Variants in LRRC75A observed in about 807,000 individuals in gnomAD.
LRRC75A encodes leucine rich repeat containing 75A, also known as leucine-rich repeat-containing protein 75A.
A neutral mutation model predicts 26.0 loss-of-function variants in LRRC75A; 12 were observed. The ratio of observed to expected loss-of-function variants is 0.46; its 90% confidence interval spans 0.30 to 0.75. The LOEUF (loss-of-function observed/expected upper bound fraction) is 0.75, where lower values mean the gene tolerates loss of function less well. Ranked by LOEUF, LRRC75A falls within the 30% of genes least tolerant of loss-of-function variation. The pLI is 0.08. For synonymous variants in LRRC75A, 223 were observed against 219.3 expected, an observed-to-expected ratio of 1.02 and a Z score of -0.15; for missense variants, 410 against 486.6, an observed-to-expected ratio of 0.84 and a Z score of 1.48.
At chr17:16,446,874 C>G (rs1326255802) in intron 3 of LRRC75A, 1 of 385,138 alleles carries the variant, frequency 2.6e-6, no homozygotes, top group Non-Finnish European at 5.2e-6. Flanking sequence ...ACCATCACAG[C>G]CTTACACTGT....
intron 2 of LRRC75A, among the ~76,000 whole-genome samples, chr17:16,451,530 G>GA (rs1228182875): frequency 6.6e-6 from 1 of 151,446 alleles, no homozygotes; most frequent in Non-Finnish European, 1.5e-5. Context: ...GCTGAGGCAG[G>GA]AGAATTGTTT....
rs1476894845 is a variant in LRRC75A at position 16,491,849 on chromosome 17, TC to T, written c.141del (p.Met48CysfsTer44). 1 of 1,395,120 alleles carries T rather than the reference TC, an allele frequency of 7.2e-7. No individual in the cohort carries two copies. The highest frequency in any genetic ancestry group is 3.2e-5 in the East Asian group (1 of 30,852). 86.4% of individuals were successfully genotyped at this position (1,395,120 alleles called of 1,614,324 possible). A position where few individuals can be genotyped will look rare whatever the true frequency, so the allele number is the denominator to read the frequency against. On this transcript the variant is annotated frameshift_variant, in exon 1 of 4. Transcript: ENST00000470794. LOFTEE classifies it high-confidence loss of function. This position sits in a 1 kb window ranked among gnomAD's most constrained non-coding sequence, Gnocchi z 5.9. ...AGDKAGRAGA[G>X]MPPYHRRVGM... ...CCGACTCGCCGGTGGTAGGGGGGCA[TC>T]CCCGCGCCCGCGCGCCCCGCCTTGT...
rs756499671 is a variant in LRRC75A at position 16,491,815 on chromosome 17, T to C, written c.176A>G (p.Gln59Arg). 1.4e-6 allele frequency: 2 copies of C among 1,415,094 alleles called. No homozygotes were observed. Among genetic ancestry groups the C allele is most frequent in the Non-Finnish European group, 1.8e-6 (2 of 1,082,512 alleles). 87.7% of individuals were successfully genotyped at this position (1,415,094 alleles called of 1,614,324 possible). A position where few individuals can be genotyped will look rare whatever the true frequency, so the allele number is the denominator to read the frequency against. The change falls in exon 1 of 4, where the codon CAG becomes CGG. Residue 59 changes from glutamine (Q) to arginine (R), a missense_variant. By Grantham distance (43) the Gln-to-Arg change is conservative (BLOSUM62 1). Transcript: ENST00000470794. The surrounding 1 kb of genome is among the most constrained non-coding windows in gnomAD (Gnocchi z 5.9). ...CTGGCGCACCATCCGCAGCAGCTCC[T>C]GGACCATGCCGACTCGCCGGTGGTA... ...PPYHRRVGMV[Q>R]ELLRMVRQGR...
intron 1 of LRRC75A, among the ~76,000 whole-genome samples, chr17:16,490,372 A>G (rs2093854834): frequency 1.3e-5 from 2 of 152,346 alleles, no homozygotes; most frequent in South Asian, 4.1e-4. Context: ...AAAGACAAAG[A>G]AATACACACT....
chr17:16,456,469 GAGAA>G (rs1461519342), intron 2 of LRRC75A, among the ~76,000 whole-genome samples: 4 of 130,894 alleles, frequency 3.1e-5, no homozygotes, highest in African/African-American at 1.1e-4. Flanking sequence ...AGAGGAGAAG[GAGAA>G]AGAAGAGGAG....
At chr17:16,490,068 G>C (rs1411706561) in intron 1 of LRRC75A, among the ~76,000 whole-genome samples, 1 of 152,166 alleles carries the variant, frequency 6.6e-6, no homozygotes, top group African/African-American at 2.4e-5. Flanking sequence ...TACAGGGACT[G>C]GGGAGCCCAA....
chr17:16,468,346 C>G (rs1471212918), intron 1 of LRRC75A, among the ~76,000 whole-genome samples: 1 of 152,230 alleles, frequency 6.6e-6, no homozygotes, highest in Non-Finnish European at 1.5e-5. Context: ...GGAGTGTGGT[C>G]TAGCCACGCA....
intron 2 of LRRC75A, among the ~76,000 whole-genome samples, chr17:16,455,116 A>G (rs55804022): frequency 0.012 from 1,777 of 151,646 alleles, 34 homozygotes; most frequent in African/African-American, 0.041. Context: ...TATTTTTAGT[A>G]GAGACAGGGT....
rs112837764 is a variant in LRRC75A at position 16,475,797 on chromosome 17, A to G, written c.247-13411T>C. ...CACGGTGATTCACGACTATAATCCC[A>G]GCACTTTGGGAGGCTGAGGTGGGCG... On this transcript the variant is annotated intron_variant, in intron 1 of 3. Transcript: ENST00000470794. 3.8e-3 allele frequency among the ~76,000 whole-genome samples: 584 copies of G among 152,322 alleles called. 1 individual carries two copies. The highest frequency in any genetic ancestry group is 0.013 in the African/African-American group (556 of 41,564).
chr17:16,455,623 C>T (rs1339002698), intron 2 of LRRC75A, among the ~76,000 whole-genome samples: 1 of 152,134 alleles, frequency 6.6e-6, no homozygotes, highest in East Asian at 1.9e-4. Flanking sequence ...CTCAAGTGGT[C>T]CACCTGCCTC....
At position 16,449,682 on chromosome 17, in the gene LRRC75A, T is replaced by A. The variant is rs527335215; in HGVS notation, c.376-1722A>T. Reference sequence around the variant, plus strand: ...CCCAGGCTGGAGTGCAATGGCACGATCTCGGCTCACTGCAACCTCCGCCAC... The same window carrying A: ...CCCAGGCTGGAGTGCAATGGCACGAACTCGGCTCACTGCAACCTCCGCCAC... On this transcript the variant is annotated intron_variant, in intron 2 of 3. Transcript: ENST00000470794. 2.6e-5 allele frequency among the ~76,000 whole-genome samples: 4 copies of A among 152,322 alleles called. No individual in the cohort carries two copies. The South Asian group carries it at 6.2e-4, about 24-fold the overall frequency.
chr17:16,484,188 TA>T (rs1278980088), intron 1 of LRRC75A, among the ~76,000 whole-genome samples: 1 of 151,854 alleles, frequency 6.6e-6, no homozygotes, highest in Non-Finnish European at 1.5e-5. Flanking sequence ...ATACAAAAAT[TA>T]GCCAGGCATG....
chr17:16,479,289 C>T (rs1215859440), intron 1 of LRRC75A, among the ~76,000 whole-genome samples: 1 of 152,200 alleles, frequency 6.6e-6, no homozygotes, highest in African/African-American at 2.4e-5. Context: ...GGGCAAGTAC[C>T]CGCCTGAGAG....
chr17:16,485,552 C>A (rs1035091283), intron 1 of LRRC75A, among the ~76,000 whole-genome samples: 1 of 151,892 alleles, frequency 6.6e-6, no homozygotes. Context: ...ATAAGCCACC[C>A]AGTTTATGGT....
At chr17:16,461,697 G>A (rs144527661) in intron 2 of LRRC75A, among the ~76,000 whole-genome samples, 3 of 152,344 alleles carry the variant, frequency 2.0e-5, no homozygotes, top group Admixed American at 6.5e-5. Context: ...GAGGCAAAGC[G>A]GACAGCCCCA....
intron 2 of LRRC75A, among the ~76,000 whole-genome samples, chr17:16,458,652 A>G (rs182100124): frequency 6.6e-5 from 10 of 152,024 alleles, no homozygotes; most frequent in Middle Eastern, 6.8e-3. Flanking sequence ...TTTAGTAGAG[A>G]TGGGGTTTCT....
intron 1 of LRRC75A, among the ~76,000 whole-genome samples, chr17:16,487,274 C>T (rs764868703): frequency 6.6e-6 from 1 of 152,176 alleles, no homozygotes; most frequent in Non-Finnish European, 1.5e-5. Context: ...TGTCTGGTAG[C>T]CTTCCAACCT....
intron 1 of LRRC75A, among the ~76,000 whole-genome samples, chr17:16,483,065 GA>G (rs1348119580): frequency 6.6e-6 from 1 of 152,196 alleles, no homozygotes; most frequent in Non-Finnish European, 1.5e-5. Context: ...GGAGGGGAGA[GA>G]GACCAGATGT....
intron 1 of LRRC75A, among the ~76,000 whole-genome samples, chr17:16,475,021 AT>A: frequency 1.3e-5 from 2 of 151,790 alleles, no homozygotes; most frequent in South Asian, 4.2e-4. Flanking sequence ...AGAGAGAAAC[AT>A]TTGGTTCATC....
Sources: allele counts gnomAD v4.1 joint callset (sites outside exome capture counted in the v4.1 genomes callset), GRCh38; gene constraint gnomAD v4.1.1; non-coding constraint Gnocchi (gnomAD v3.1); transcripts MANE v1.5; gene names NCBI Gene and HGNC (gene_info 2026-07-23, HGNC 2026-07-21).